Variants in IRS1 observed in about 807,000 individuals in gnomAD.
The protein encoded by IRS1 is insulin receptor substrate 1.
IRS1 carries 34 observed loss-of-function variants against 65.6 expected under a neutral mutation model. The ratio of observed to expected loss-of-function variants is 0.52; its 90% CI spans 0.39 to 0.69. The LOEUF (loss-of-function observed/expected upper bound fraction) is 0.69, where lower values mean the gene tolerates loss of function less well. IRS1 is among the 30% of genes least tolerant of loss of function. IRS1 has a pLI of 0.00. For synonymous variants in IRS1, 699 were observed against 683.5 expected, an observed-to-expected ratio of 1.02 and a Z score of -0.35; for missense variants, 1,641 against 1,720.2, an observed-to-expected ratio of 0.95 and a Z score of 0.81.
Position 226,735,539 on chromosome 2 carries a change from G to A in IRS1, c.*733C>T, listed in dbSNP as rs918815850. The A allele has an allele frequency of 2.6e-5, 4 of 152,510 alleles. No homozygotes were observed. Among genetic ancestry groups the A allele is most frequent in the Non-Finnish European group, 5.9e-5 (4 of 68,024 alleles). The allele number at this position is 152,510 out of a possible 1,614,324, so 9.4% of individuals were successfully genotyped here. On this transcript the variant is annotated 3_prime_UTR_variant, in exon 2 of 2. Coordinates refer to ENST00000305123, the MANE Select transcript of IRS1 (RefSeq NM_005544.3). Reference sequence around the variant, plus strand: ...TATAAGGAACTCAGCTCAACATCAGGTTTATATGACAAGAGATAGTATCAG... The same window carrying A: ...TATAAGGAACTCAGCTCAACATCAGATTTATATGACAAGAGATAGTATCAG...
intron 1 of IRS1, among the ~76,000 whole-genome samples, chr2:226,756,450 T>C (rs1306741193): frequency 6.6e-6 from 1 of 152,190 alleles, no homozygotes; most frequent in Non-Finnish European, 1.5e-5. Context: ...TGTTAATGCA[T>C]GCCCAAGGTT....
chr2:226,767,389 C>T (rs1384257447), intron 1 of IRS1, among the ~76,000 whole-genome samples: 1 of 152,146 alleles, frequency 6.6e-6, no homozygotes, highest in Non-Finnish European at 1.5e-5. Flanking sequence ...TAAAAAAAGG[C>T]CAACTCAAAA....
In IRS1 at chr2:226,755,289, C is replaced by T. The variant is rs74774425; in HGVS notation, c.*22-19039G>A. 4.7e-3 allele frequency among the ~76,000 whole-genome samples: 721 copies of T among 152,312 alleles called. 6 individuals are homozygous for T. Among genetic ancestry groups the T allele is most frequent in the African/African-American group, 0.017 (697 of 41,556 alleles). ...TAAATCATAAACAGCTGCATCTCGC[C>T]TCCCAGTGTTTACATTCTTAGACAT... is the stretch of plus-strand genomic sequence containing the variant. On this transcript the variant is annotated intron_variant, in intron 1 of 1. Coordinates refer to ENST00000305123, the MANE Select transcript of IRS1 (RefSeq NM_005544.3).
chr2:226,786,186 T>G (rs992162895), intron 1 of IRS1, among the ~76,000 whole-genome samples: 1 of 150,582 alleles, frequency 6.6e-6, no homozygotes. Flanking sequence ...CTATCGTGAA[T>G]AGTGCCGCAG....
intron 1 of IRS1, among the ~76,000 whole-genome samples, chr2:226,779,516 T>A (rs1028177080): frequency 1.2e-4 from 19 of 152,302 alleles, no homozygotes; most frequent in African/African-American, 4.6e-4. Context: ...CACATATCTA[T>A]AAGGACACAC....
At chr2:226,766,940 AAGC>A (rs1939063551) in intron 1 of IRS1, among the ~76,000 whole-genome samples, 1 of 152,180 alleles carries the variant, frequency 6.6e-6, no homozygotes, top group Non-Finnish European at 1.5e-5. Context: ...TAACACCTAA[AAGC>A]AAATGGTATA....
At chr2:226,747,630 A>G (rs1938574470) in intron 1 of IRS1, among the ~76,000 whole-genome samples, 1 of 152,194 alleles carries the variant, frequency 6.6e-6, no homozygotes, top group Non-Finnish European at 1.5e-5. Flanking sequence ...CTACAGTCCC[A>G]AGGGAAATAA....
chr2:226,744,488 G>A (rs1181919926), intron 1 of IRS1, among the ~76,000 whole-genome samples: 1 of 152,176 alleles, frequency 6.6e-6, no homozygotes, highest in Non-Finnish European at 1.5e-5. Context: ...TAAGGCAGGG[G>A]TCCTCAATTC....
At chr2:226,789,249 T>C (rs1298046335) in intron 1 of IRS1, among the ~76,000 whole-genome samples, 1 of 152,222 alleles carries the variant, frequency 6.6e-6, no homozygotes, top group Non-Finnish European at 1.5e-5. Flanking sequence ...CCGTGGAGTT[T>C]CTTAAGAGGC....
intron 1 of IRS1, among the ~76,000 whole-genome samples, chr2:226,752,483 T>C (rs1055487610): frequency 2.0e-5 from 3 of 152,178 alleles, no homozygotes; most frequent in African/African-American, 7.2e-5. Flanking sequence ...TACATGGCAA[T>C]TTCATTCACC....
rs765622405 is a variant in IRS1, at chr2:226,795,234, C to A, written c.3505G>T (p.Ala1169Ser). ...AGACCATTCTCCAAACCCCCAGCAGCCCCACACAGTTTGGCTGGCTCCTTG... is the reference window on the plus strand; with the variant it reads ...AGACCATTCTCCAAACCCCCAGCAGACCCACACAGTTTGGCTGGCTCCTTG... ...APKEPAKLCGAAGGLENGLNY... is the reference protein window; with the variant it reads ...APKEPAKLCGSAGGLENGLNY... The change falls in exon 1 of 2, where the codon GCT becomes TCT. Residue 1169 changes from alanine (A) to serine (S), a missense_variant. Physicochemically the swap from Ala to Ser is moderately conservative, Grantham distance 99 (BLOSUM62 1). Coordinates refer to ENST00000305123, the MANE Select transcript of IRS1 (RefSeq NM_005544.3). The A allele has an allele frequency of 6.2e-7, 1 of 1,613,962 alleles. No homozygotes were observed. The highest frequency in any genetic ancestry group is 2.2e-5 in the East Asian group (1 of 44,850).
intron 1 of IRS1, among the ~76,000 whole-genome samples, chr2:226,747,889 GA>G (rs894946516): frequency 1.3e-5 from 2 of 152,124 alleles, no homozygotes; most frequent in African/African-American, 4.8e-5. Context: ...TTGGGGAGGA[GA>G]GATGCTACTG....
At chr2:226,781,182 A>C (rs1270253561) in intron 1 of IRS1, among the ~76,000 whole-genome samples, 4 of 152,052 alleles carry the variant, frequency 2.6e-5, no homozygotes, top group Non-Finnish European at 1.5e-5. Flanking sequence ...AGATTTGGGC[A>C]TTTTCTTTGG....
chr2:226,742,843 G>A (rs1006886778), intron 1 of IRS1, among the ~76,000 whole-genome samples: 6 of 152,162 alleles, frequency 3.9e-5, no homozygotes, highest in Non-Finnish European at 5.9e-5. Context: ...GGAGATTCCA[G>A]AAACTTTTCA....
chr2:226,798,262 T>A lies in IRS1; in HGVS notation c.477A>T (p.Ala159=). 3.1e-6 allele frequency: 5 copies of A among 1,613,318 alleles called. No individual in the cohort carries two copies. The highest frequency in any genetic ancestry group is 4.2e-6 in the Non-Finnish European group (5 of 1,179,908). Residue 159 remains alanine (A), a synonymous_variant, in exon 1 of 2, where the codon GCA becomes GCT. Transcript: ENST00000305123. The surrounding 1 kb of genome is among the most constrained non-coding windows in gnomAD (Gnocchi z 9.4). ...LSYGDVPPGP[A]FKEVWQVILK... ...GGATCACTTGCCAGACCTCTTTGAA[T>A]GCGGGTCCTGGGGGCACGTCACCGT...
intron 1 of IRS1, among the ~76,000 whole-genome samples, chr2:226,771,794 C>T (rs377449982): frequency 1.3e-5 from 2 of 151,984 alleles, no homozygotes; most frequent in African/African-American, 4.8e-5. Flanking sequence ...TTCAGCACTC[C>T]CCAGTCATAC....
At chr2:226,790,413 G>C (rs1309377514) in intron 1 of IRS1, among the ~76,000 whole-genome samples, 3 of 151,696 alleles carry the variant, frequency 2.0e-5, no homozygotes, top group African/African-American at 7.3e-5. Flanking sequence ...TATTTATTGA[G>C]GGGGAACTCA....
chr2:226,795,731 T>A lies in IRS1; in HGVS notation c.3008A>T (p.Asp1003Val), dbSNP rs1351460589. The change falls in exon 1 of 2, where the codon GAC becomes GTC. Residue 1003 changes from aspartate to valine, a missense_variant. Physicochemically the swap from Asp to Val is radical, Grantham distance 152. Transcript: ENST00000305123. ...GCTTACAGGGGCAGCTGGCGAGGTGTCCACGTAGCTCTGACGGGGACAACT... is the reference window on the plus strand; with the variant it reads ...GCTTACAGGGGCAGCTGGCGAGGTGACCACGTAGCTCTGACGGGGACAACT... ...QMSCPRQSYVDTSPAAPVSYA... is the reference protein window; with the variant it reads ...QMSCPRQSYVVTSPAAPVSYA... The A allele has an allele frequency of 2.5e-6, 4 of 1,613,268 alleles. No homozygotes were observed. The highest frequency in any genetic ancestry group is 3.4e-6 in the Non-Finnish European group (4 of 1,180,020).
intron 1 of IRS1, among the ~76,000 whole-genome samples, chr2:226,737,099 C>T (rs1236872555): frequency 8.1e-6 from 1 of 122,802 alleles, no homozygotes; most frequent in Non-Finnish European, 1.7e-5. Context: ...CCCCTCCCCC[C>T]ACCCCACAAC....
Sources: gnomAD v4.1 joint callset for allele counts (sites outside exome capture counted in the v4.1 genomes callset) on GRCh38, gnomAD v4.1.1 for gene constraint, Gnocchi (gnomAD v3.1) non-coding constraint, MANE v1.5 for transcripts, NCBI Gene and HGNC (gene_info 2026-07-23, HGNC 2026-07-21) for gene names.